Variants in UBE3B observed in about 807,000 individuals in gnomAD.
The protein encoded by UBE3B is ubiquitin protein ligase E3B.
Under a neutral mutation model 132.3 loss-of-function variants are expected in UBE3B, and 80 were observed. The ratio of observed to expected loss-of-function variants is 0.60; its 90% CI spans 0.50 to 0.73. The LOEUF is 0.73. UBE3B is among the 30% of genes least tolerant of loss of function. The pLI, the probability that UBE3B is intolerant of heterozygous loss-of-function variation, is 0.00. For synonymous variants in UBE3B, 487 were observed against 520.4 expected, an observed-to-expected ratio of 0.94 and a Z score of 0.87; for missense variants, 1,196 against 1,362.5, an observed-to-expected ratio of 0.88 and a Z score of 1.92.
intron 10 of UBE3B, 24 bp downstream of exon 10, chr12:109,497,947 C>A (rs111446526): frequency 6.2e-7 from 1 of 1,608,380 alleles, no homozygotes. Flanking sequence ...GTGAGTTCCC[C>A]GTGAAAACCC....
chr12:109,524,666 A>T (rs1421124287), intron 23 of UBE3B, among the ~76,000 whole-genome samples, 163 bp downstream of exon 23: 1 of 151,666 alleles, frequency 6.6e-6, no homozygotes, highest in Non-Finnish European at 1.5e-5. Context: ...GCCAGGAGGG[A>T]GGGCCCCCTC....
At chr12:109,536,886 T>A (rs1480043763), downstream of UBE3B, among the ~76,000 whole-genome samples, 1 of 152,196 alleles carries the variant, frequency 6.6e-6, no homozygotes, top group East Asian at 1.9e-4. Flanking sequence ...TGCTTCCAAT[T>A]GTGTTTCAAG....
chr12:109,515,006 C>T (rs1024185498), intron 18 of UBE3B, among the ~76,000 whole-genome samples: 6 of 151,824 alleles, frequency 4.0e-5, no homozygotes, highest in Non-Finnish European at 7.4e-5. Context: ...CTCCACCTAC[C>T]GGGTTCACGC....
intron 19 of UBE3B, among the ~76,000 whole-genome samples, chr12:109,518,461 G>C (rs1881326174): frequency 6.6e-6 from 1 of 152,178 alleles, no homozygotes; most frequent in Non-Finnish European, 1.5e-5. Flanking sequence ...TTCAACCTGT[G>C]GGCCACCCAT....
intron 12 of UBE3B, among the ~76,000 whole-genome samples, 171 bp downstream of exon 12, chr12:109,499,981 A>G (rs1189110825): frequency 6.6e-6 from 1 of 152,256 alleles, no homozygotes; most frequent in Non-Finnish European, 1.5e-5. Flanking sequence ...AAACCAGCCC[A>G]TTATCCTGTA....
chr12:109,483,182 A>G (rs1490061655), intron 2 of UBE3B, among the ~76,000 whole-genome samples: 1 of 152,210 alleles, frequency 6.6e-6, no homozygotes, highest in East Asian at 1.9e-4. Context: ...TCTTTGACCT[A>G]TAGGATACCT....
At position 109,520,966 on chromosome 12, in the gene UBE3B, C is replaced by T. The variant is rs952480890; in HGVS notation, c.2077-182C>T. The T allele has an allele frequency of 2.3e-5, 14 of 620,168 alleles. No homozygotes were observed. The East Asian group carries it at 4.0e-4, about 18-fold the overall frequency. 38.4% of individuals were successfully genotyped at this position (620,168 alleles called of 1,614,324 possible). The stretch of plus-strand genomic sequence containing the variant: ...GATACTGTCACATCCCCAAATGAAT[C>T]TTTGCTTTTAATCAGCACTCATTCA... On this transcript the variant is annotated intron_variant, in intron 19 of 27. Coordinates refer to ENST00000342494, the MANE Select transcript of UBE3B (RefSeq NM_130466.4).
intron 18 of UBE3B, among the ~76,000 whole-genome samples, chr12:109,512,887 A>G (rs981849940): frequency 2.0e-5 from 3 of 152,258 alleles, no homozygotes; most frequent in African/African-American, 7.2e-5. Context: ...TGCTTCCAAT[A>G]GAAAATGCAC....
At chr12:109,490,480 T>G (rs1336821362) in intron 8 of UBE3B, 1 of 1,535,740 alleles carries the variant, frequency 6.5e-7, no homozygotes, top group Non-Finnish European at 8.7e-7. Flanking sequence ...TTGCCCTTCC[T>G]TCTCCCTAGT....
At chr12:109,484,440 G>T (rs1162251783) in intron 4 of UBE3B, among the ~76,000 whole-genome samples, 1 of 152,156 alleles carries the variant, frequency 6.6e-6, no homozygotes, top group Admixed American at 6.5e-5. Flanking sequence ...CGCCAGGCTG[G>T]TGTGCAGTGG....
intron 12 of UBE3B, among the ~76,000 whole-genome samples, chr12:109,500,048 C>A (rs1878765369): frequency 6.6e-6 from 1 of 152,114 alleles, no homozygotes; most frequent in South Asian, 2.1e-4. Context: ...AAATACTGAT[C>A]CTTTTTTACA....
intron 8 of UBE3B, 139 bp downstream of exon 8, chr12:109,490,143 CTTCTTCCT>C (rs1566078452): frequency 1.1e-6 from 1 of 930,436 alleles, no homozygotes; most frequent in African/African-American, 1.6e-5. Flanking sequence ...CTGCTGTCCT[CTTCTTCCT>C]TCCCCTGCCT....
chr12:109,497,249 A>G (rs999856434), intron 9 of UBE3B, among the ~76,000 whole-genome samples: 5 of 152,018 alleles, frequency 3.3e-5, no homozygotes, highest in Non-Finnish European at 7.4e-5. Flanking sequence ...TCTTTTAAAA[A>G]TGTATCTATA....
intron 5 of UBE3B, among the ~76,000 whole-genome samples, 165 bp downstream of exon 5, chr12:109,486,236 T>C (rs1876401776): frequency 6.6e-6 from 1 of 152,210 alleles, no homozygotes; most frequent in African/African-American, 2.4e-5. Flanking sequence ...TTCTTCATGA[T>C]CCAGGTAGCT....
intron 23 of UBE3B, 85 bp downstream of exon 23, chr12:109,524,588 G>C (rs1202902611): frequency 3.4e-6 from 5 of 1,475,886 alleles, no homozygotes; most frequent in Non-Finnish European, 3.7e-6. Context: ...TCCTCAGAAA[G>C]AGCCCCAAGC....
chr12:109,518,076 C>T (rs1169500687), intron 19 of UBE3B: 3 of 300,272 alleles, frequency 1.0e-5, no homozygotes, highest in Non-Finnish European at 2.1e-5. Context: ...GTAAAGCTGG[C>T]TGAGTGGGTC....
intron 23 of UBE3B, among the ~76,000 whole-genome samples, chr12:109,525,087 G>T (rs1331298815): frequency 7.2e-5 from 11 of 152,148 alleles, no homozygotes; most frequent in Admixed American, 7.2e-4. Flanking sequence ...GCTTCTTAAT[G>T]CAGAGCCGAC....
At chr12:109,546,538 A>G in the UBE3B span, among the ~76,000 whole-genome samples, 1 of 152,244 alleles carries the variant, frequency 6.6e-6, no homozygotes, top group African/African-American at 2.4e-5. Context: ...AGCTCCAGCC[A>G]GCAACCCATC....
chr12:109,494,824 T>TA (rs1437339103), intron 9 of UBE3B, among the ~76,000 whole-genome samples: 9 of 152,166 alleles, frequency 5.9e-5, no homozygotes, highest in Admixed American at 5.9e-4. Flanking sequence ...CTTCCACTGA[T>TA]ACGTCGCTCC....
Sources: gnomAD v4.1 joint callset for allele counts (sites outside exome capture counted in the v4.1 genomes callset) on GRCh38, gnomAD v4.1.1 for gene constraint, MANE v1.5 for transcripts, NCBI Gene and HGNC (gene_info 2026-07-23, HGNC 2026-07-21) for gene names.